The following CREBBP variants were observed in gnomAD, a reference collection of about 807,000 sequenced individuals.
CREBBP encodes CREB binding lysine acetyltransferase.
CREBBP carries 19 observed loss-of-function variants against 265.0 expected under a neutral mutation model. That is an observed-to-expected ratio of 0.07 (90% CI 0.05 to 0.11). CREBBP has a LOEUF of 0.11. Among genes scored for constraint, CREBBP ranks in the 10% least tolerant of loss-of-function variants. CREBBP has a pLI of 1.00. For missense variants in CREBBP, 2,525 were observed against 3,219.0 expected (o/e 0.78, Z 5.22); for synonymous variants, 1,457 against 1,223.7 (o/e 1.19, Z -3.98).
At chr16:3,879,794 G>A (rs756040301) in intron 1 of CREBBP, 38 bp downstream of exon 1, 52 of 1,545,758 alleles carry the variant, frequency 3.4e-5, no homozygotes, top group East Asian at 4.8e-5. Flanking sequence ...GGGTGACAGC[G>A]CGCCCCGGGC....
chr16:3,730,005 A>G (rs760890435), intron 30 of CREBBP, 131 bp from the exon 31 acceptor site: 119 of 1,463,090 alleles, frequency 8.1e-5, no homozygotes, highest in Admixed American at 1.8e-4. Flanking sequence ...AGACCCAGAC[A>G]GGATGCGAGC....
chr16:3,793,054 T>C (rs1253575378), intron 4 of CREBBP, among the ~76,000 whole-genome samples: 2 of 152,002 alleles, frequency 1.3e-5, no homozygotes, highest in East Asian at 3.9e-4. Context: ...AACCACAATC[T>C]AGACATTCAC....
chr16:3,849,651 G>A (rs555415968), intron 2 of CREBBP, among the ~76,000 whole-genome samples: 11 of 150,078 alleles, frequency 7.3e-5, no homozygotes, highest in South Asian at 2.1e-4. Context: ...GATCACAGGC[G>A]TGAGTCACTG....
chr16:3,840,062 C>G (rs1483892126), intron 2 of CREBBP, among the ~76,000 whole-genome samples: 1 of 152,144 alleles, frequency 6.6e-6, no homozygotes, highest in Non-Finnish European at 1.5e-5. Flanking sequence ...ATACATCCCA[C>G]ATTACCCTGT....
chr16:3,811,302 G>A (rs770216357), intron 2 of CREBBP, among the ~76,000 whole-genome samples: 4 of 152,032 alleles, frequency 2.6e-5, no homozygotes, highest in Non-Finnish European at 5.9e-5. Flanking sequence ...AACTGCATGG[G>A]TCTACATATA....
intron 18 of CREBBP, 135 bp from the exon 19 acceptor site, chr16:3,757,511 C>G: frequency 2.2e-6 from 2 of 915,858 alleles, no homozygotes; most frequent in East Asian, 2.6e-5. Flanking sequence ...ATTTTAGTAG[C>G]TTTAAAGACA....
intron 1 of CREBBP, among the ~76,000 whole-genome samples, chr16:3,855,646 G>A: frequency 6.6e-6 from 1 of 152,140 alleles, no homozygotes; most frequent in South Asian, 2.1e-4. Context: ...ATGGTTACAG[G>A]GCATGTCATT....
chr16:3,755,703 G>A (rs1317217642), intron 19 of CREBBP, among the ~76,000 whole-genome samples: 1 of 152,118 alleles, frequency 6.6e-6, no homozygotes, highest in Non-Finnish European at 1.5e-5. Flanking sequence ...CATTAGGAAG[G>A]GGCTATGGTA....
intron 3 of CREBBP, among the ~76,000 whole-genome samples, chr16:3,796,059 T>C (rs1033588871): frequency 6.6e-5 from 10 of 152,160 alleles, no homozygotes; most frequent in Non-Finnish European, 1.5e-5. Context: ...TCCCTTTTTT[T>C]ACTCCTGACA....
At chr16:3,795,251 T>TC (rs58336463) in intron 3 of CREBBP, among the ~76,000 whole-genome samples, 10,442 of 152,208 alleles carry the variant, frequency 0.069, 1,170 homozygotes, top group African/African-American at 0.23. Context: ...GTTTATTTTT[T>TC]CCTGATTATA....
chr16:3,831,762 T>C (rs1020199658), intron 2 of CREBBP, among the ~76,000 whole-genome samples: 15 of 152,090 alleles, frequency 9.9e-5, no homozygotes, highest in African/African-American at 3.1e-4. Flanking sequence ...TTTGGGAGGC[T>C]GAGGCAGGCG....
At chr16:3,843,112 A>G (rs1441014177) in intron 2 of CREBBP, among the ~76,000 whole-genome samples, 1 of 152,182 alleles carries the variant, frequency 6.6e-6, no homozygotes, top group Non-Finnish European at 1.5e-5. Flanking sequence ...TTTTCTACTA[A>G]AACAGAAACT....
In CREBBP at chr16:3,773,811, T is replaced by A. The variant is rs2141215289; in HGVS notation, c.2403A>T (p.Ser801=). Residue 801 remains serine (S), a synonymous_variant, in exon 13 of 31, where the codon TCA becomes TCT. Transcript: ENST00000262367. ...SQFLPQNQFP[S]SSGAMSVGMG... ...TGCCCACACTCATCGCCCCGCTGGA[T>A]GACGGGAACTGGTTCTGTGGCAGAA... 6.2e-7 allele frequency: 1 copy of A among 1,613,242 alleles called. No individual in the cohort carries two copies. Among genetic ancestry groups the A allele is most frequent in the South Asian group, 1.1e-5 (1 of 91,026 alleles).
chr16:3,856,186 C>T (rs1197954631), intron 1 of CREBBP, among the ~76,000 whole-genome samples: 1 of 152,220 alleles, frequency 6.6e-6, no homozygotes, highest in Non-Finnish European at 1.5e-5. Flanking sequence ...TGTGCAATGG[C>T]ACAATCACAG....
intron 21 of CREBBP, among the ~76,000 whole-genome samples, chr16:3,746,552 CAAAG>C (rs2052347871): frequency 6.6e-6 from 1 of 152,152 alleles, no homozygotes; most frequent in Non-Finnish European, 1.5e-5. Context: ...CTAAGAATTT[CAAAG>C]GTTGGGGCCA....
At chr16:3,805,581 A>C (rs1171248486) in intron 3 of CREBBP, among the ~76,000 whole-genome samples, 1 of 152,200 alleles carries the variant, frequency 6.6e-6, no homozygotes, top group East Asian at 1.9e-4. Context: ...ACGAAGCTTA[A>C]CCCTATGCAG....
At chr16:3,799,990 T>G (rs951837166) in intron 3 of CREBBP, among the ~76,000 whole-genome samples, 1 of 152,214 alleles carries the variant, frequency 6.6e-6, no homozygotes, top group African/African-American at 2.4e-5. Context: ...AAGAAAATGA[T>G]GAGGAACTAA....
Position 3,825,029 on chromosome 16 carries a change from T to C in CREBBP, c.799-14250A>G, listed in dbSNP as rs550739799. Among the ~76,000 whole-genome samples, 4 of 152,300 alleles carry C rather than the reference T, an allele frequency of 2.6e-5. 1 individual carries two copies. The highest frequency in any genetic ancestry group is 9.6e-5 in the African/African-American group (4 of 41,558). ...ATCTTGAGGTGGCTCTAAGATCTCTTTGCAAAAATAGAGCACAGAAAATCT... is the reference window on the plus strand; with the variant it reads ...ATCTTGAGGTGGCTCTAAGATCTCTCTGCAAAAATAGAGCACAGAAAATCT... On this transcript the variant is annotated intron_variant, in intron 2 of 30. Transcript: ENST00000262367.
intron 3 of CREBBP, 121 bp from the exon 4 acceptor site, chr16:3,793,747 G>C: frequency 8.2e-7 from 1 of 1,214,268 alleles, no homozygotes; most frequent in East Asian, 2.6e-5. Flanking sequence ...AGAGAAGGCT[G>C]GTGTAGTTCT....
Sources: gnomAD v4.1 joint callset for allele counts (sites outside exome capture counted in the v4.1 genomes callset) on GRCh38, gnomAD v4.1.1 for gene constraint, MANE v1.5 for transcripts, NCBI Gene and HGNC (gene_info 2026-07-23, HGNC 2026-07-21) for gene names.